ZNF619: variants seen among roughly 807,000 people sequenced by gnomAD.
ZNF619 encodes the protein zinc finger protein 619.
A neutral mutation model predicts 14.2 loss-of-function variants in ZNF619; 9 were observed. The ratio of observed to expected loss-of-function variants is 0.64; its 90% CI spans 0.38 to 1.11. The LOEUF is 1.11. Ranked by LOEUF, ZNF619 falls within the 50% of genes least tolerant of loss-of-function variation. The pLI is 0.01. For missense variants in ZNF619, 659 were observed against 680.1 expected (o/e 0.97, Z 0.34); for synonymous variants, 246 against 252.8 (o/e 0.97, Z 0.26).
intron 1 of ZNF619, 152 bp from the exon 2 acceptor site, chr3:40,477,766 G>A (rs1559534048): frequency 1.8e-6 from 1 of 566,452 alleles, no homozygotes; most frequent in Non-Finnish European, 3.2e-6. Context: ...TGCAGAGGGA[G>A]CATTTGCAAC....
At chr3:40,478,816 G>A (rs1448911798) in intron 2 of ZNF619, among the ~76,000 whole-genome samples, 1 of 151,622 alleles carries the variant, frequency 6.6e-6, no homozygotes, top group African/African-American at 2.4e-5. Flanking sequence ...TAAAAACAAT[G>A]TGTGTGTCCT....
Position 40,487,920 on chromosome 3 carries a change from T to C in ZNF619, c.1410T>C (p.Ser470=). Residue 470 remains serine (S), a synonymous_variant, in exon 5 of 5, where the codon AGT becomes AGC. Transcript: ENST00000432264. The part of the protein sequence containing the change: ...ECGKAFRWNA[S]FIQHQKWHTR... The stretch of plus-strand genomic sequence containing the variant: ...GGAAAGCCTTCAGATGGAATGCAAG[T>C]TTCATCCAGCATCAGAAGTGGCATA... The C allele has an allele frequency of 6.2e-7, 1 of 1,614,118 alleles. No individual in the cohort carries two copies. Among genetic ancestry groups the C allele is most frequent in the Non-Finnish European group, 8.5e-7 (1 of 1,180,020 alleles).
In ZNF619 at chr3:40,486,878, G is replaced by C. The variant is rs773644642; in HGVS notation, c.368G>C (p.Arg123Thr). 1.2e-6 allele frequency: 2 copies of C among 1,614,182 alleles called. No individual in the cohort carries two copies. Among genetic ancestry groups the C allele is most frequent in the South Asian group, 2.2e-5 (2 of 91,076 alleles). ...ATTTCTAAAGAATCAGAGTCCCACA[G>C]ACTGATAGTGGAGGGACTGCTGATG... ...LNISKESESHRLIVEGLLMDV... is the reference protein window; with the variant it reads ...LNISKESESHTLIVEGLLMDV... Residue 123 changes from arginine (R) to threonine (T), a missense_variant, in exon 5 of 5, where the codon AGA (arginine) becomes ACA (threonine). By Grantham distance (71) the Arg-to-Thr change is moderately conservative. Coordinates refer to ENST00000432264, the MANE Select transcript of ZNF619 (RefSeq NM_001145093.4).
chr3:40,486,452 C>T (rs11917969), intron 4 of ZNF619, among the ~76,000 whole-genome samples: 1 of 152,272 alleles, frequency 6.6e-6, no homozygotes, highest in East Asian at 1.9e-4. Flanking sequence ...CTTTGGGAGG[C>T]TGAGCTGGGC....
At chr3:40,483,514 C>G in intron 4 of ZNF619, 1 of 385,928 alleles carries the variant, frequency 2.6e-6, no homozygotes, top group South Asian at 1.9e-5. Context: ...TGGTCTCGAA[C>G]TCCTGCCCTC....
At chr3:40,483,852 T>C (rs1208120216) in intron 4 of ZNF619, 1 of 326,360 alleles carries the variant, frequency 3.1e-6, no homozygotes, top group South Asian at 2.3e-5. Context: ...GGTCTCGAAC[T>C]CCCAACCTCA....
At chr3:40,485,767 G>A (rs1697560517) in intron 4 of ZNF619, among the ~76,000 whole-genome samples, 1 of 152,004 alleles carries the variant, frequency 6.6e-6, no homozygotes, top group Admixed American at 6.6e-5. Context: ...TCAGATCTTT[G>A]GTGCTTGACA....
chr3:40,484,114 C>A (rs1016477448), intron 4 of ZNF619, among the ~76,000 whole-genome samples: 2 of 151,972 alleles, frequency 1.3e-5, no homozygotes, highest in African/African-American at 2.4e-5. Flanking sequence ...TTAGTAGAGA[C>A]AGGGTTTCAC....
chr3:40,482,245 G>A, intron 3 of ZNF619: 5 of 1,551,816 alleles, frequency 3.2e-6, no homozygotes, highest in Non-Finnish European at 4.4e-6. Context: ...ACTGCAGGGG[G>A]CTTTCCTCTG....
In ZNF619 at chr3:40,488,051, C is replaced by T; in HGVS notation, c.1541C>T (p.Ala514Val). 6.2e-7 allele frequency: 1 copy of T among 1,614,144 alleles called. No individual in the cohort carries two copies. Among genetic ancestry groups the T allele is most frequent in the Non-Finnish European group, 8.5e-7 (1 of 1,180,002 alleles). The change falls in exon 5 of 5, where the codon GCC becomes GTC. Residue 514 changes from alanine to valine, a missense_variant. Physicochemically the swap from Ala to Val is moderately conservative, Grantham distance 64. Coordinates refer to ENST00000432264, the MANE Select transcript of ZNF619 (RefSeq NM_001145093.4). ...CCCCAACATACCTGCTCTGCCCTAG[C>T]CCCACCAGGGCCTCCCTTATCTTCT... The part of the protein sequence containing the change: ...LPPQHTCSAL[A>V]PPGPPLSSSH...
chr3:40,482,859 C>A (rs1393622508), intron 4 of ZNF619, among the ~76,000 whole-genome samples, 155 bp downstream of exon 4: 1 of 152,222 alleles, frequency 6.6e-6, no homozygotes, highest in Admixed American at 6.5e-5. Flanking sequence ...AGAACTTCAT[C>A]CCCGAACTAG....
At chr3:40,479,337 C>T (rs1299002953) in intron 2 of ZNF619, among the ~76,000 whole-genome samples, 1 of 152,122 alleles carries the variant, frequency 6.6e-6, no homozygotes, top group Non-Finnish European at 1.5e-5. Context: ...GATTCCAATA[C>T]TAAGAAAGAA....
rs985914244 is a variant in ZNF619, at chr3:40,488,334, T to C, written c.*93T>C. The C allele has an allele frequency of 1.3e-5, 9 of 703,950 alleles. No individual in the cohort carries two copies. The South Asian group carries it at 1.4e-4, about 11-fold the overall frequency. The allele number at this position is 703,950 out of a possible 1,614,324, so 43.6% of individuals were successfully genotyped here. A position where few individuals can be genotyped will look rare whatever the true frequency, so the allele number is the denominator to read the frequency against. ...TATTGATATTCCTCTGGTCTTGTCT[T>C]GTATAAGTTGTTACTGTTTTCCTAA... On this transcript the variant is annotated 3_prime_UTR_variant, in exon 5 of 5. Coordinates refer to ENST00000432264, the MANE Select transcript of ZNF619 (RefSeq NM_001145093.4).
At position 40,488,304 on chromosome 3, in the gene ZNF619, G is replaced by A. The variant is rs1260726542; in HGVS notation, c.*63G>A. 6.2e-6 allele frequency: 5 copies of A among 805,026 alleles called. No homozygotes were observed. Among genetic ancestry groups the A allele is most frequent in the East Asian group, 2.4e-5 (1 of 41,074 alleles). The allele number at this position is 805,026 out of a possible 1,614,324, so 49.9% of individuals were successfully genotyped here. ...TAGGGATTCCACTGGTCTCCTGATT[G>A]TGTCTATTGATATTCCTCTGGTCTT... On this transcript the variant is annotated 3_prime_UTR_variant, in exon 5 of 5. Transcript: ENST00000432264.
In ZNF619 at chr3:40,488,184, C is replaced by G. The variant is rs768797105; in HGVS notation, c.1674C>G (p.Leu558=). Reference sequence around the variant, plus strand: ...AAATAGCACATTTTTTTCAGGATCTCGCTTTTCCTGGGAAGTCATCCCTTC... The same window carrying G: ...AAATAGCACATTTTTTTCAGGATCTGGCTTTTCCTGGGAAGTCATCCCTTC... ...PVQIAHFFQD[L]AFPGKSSLQS... is the part of the protein sequence containing the mutation. The change falls in exon 5 of 5, where the codon CTC becomes CTG. Residue 558 remains leucine (L), a synonymous_variant. Transcript: ENST00000432264. 13 of 1,612,136 alleles carry G rather than the reference C, an allele frequency of 8.1e-6. No homozygotes were observed. Among genetic ancestry groups the G allele is most frequent in the Non-Finnish European group, 1.0e-5 (12 of 1,178,826 alleles).
chr3:40,482,960 G>A (rs1049860840), intron 4 of ZNF619, among the ~76,000 whole-genome samples: 4 of 152,110 alleles, frequency 2.6e-5, no homozygotes, highest in African/African-American at 9.7e-5. Context: ...ACCTATATCC[G>A]AGCACTTTGG....
Position 40,481,872 on chromosome 3 carries a change from A to G in ZNF619, c.34A>G (p.Arg12Gly). Residue 12 changes from arginine (R) to glycine (G), a missense_variant, in exon 3 of 5, where the codon AGG (arginine) becomes GGG (glycine). Physicochemically the swap from Arg to Gly is moderately radical, Grantham distance 125. Transcript: ENST00000432264. ...CTCTGTTCTTGTGCAGGGCTTGGGC[A>G]GGAACCTGTTGTTTCAGGAGCCAGT... ...LQTVWFQGLGRNLLFQEPVTF... is the reference protein window; with the variant it reads ...LQTVWFQGLGGNLLFQEPVTF... The G allele has an allele frequency of 6.2e-7, 1 of 1,605,988 alleles. No individual in the cohort carries two copies. The highest frequency in any genetic ancestry group is 8.5e-7 in the Non-Finnish European group (1 of 1,177,138).
chr3:40,487,575 T>C lies in ZNF619; in HGVS notation c.1065T>C (p.Ser355=). The change falls in exon 5 of 5, where the codon TCT becomes TCC. Residue 355 remains serine, a synonymous_variant. Coordinates refer to ENST00000432264, the MANE Select transcript of ZNF619 (RefSeq NM_001145093.4). ...AGGAGTGTGGGAAGAGTTTGAGTTC[T>C]AATTCAGTTCTGATTCAGCATCAGA... ...ECKECGKSLS[S]NSVLIQHQRI... The C allele has an allele frequency of 6.2e-7, 1 of 1,613,940 alleles. No individual in the cohort carries two copies. Among genetic ancestry groups the C allele is most frequent in the Non-Finnish European group, 8.5e-7 (1 of 1,179,990 alleles).
At chr3:40,482,235 A>C in intron 3 of ZNF619, 1 of 1,551,606 alleles carries the variant, frequency 6.4e-7, no homozygotes, top group South Asian at 1.2e-5. Flanking sequence ...TGGAGACCCA[A>C]CTGCAGGGGG....
Sources: gnomAD v4.1 joint callset for allele counts (sites outside exome capture counted in the v4.1 genomes callset) on GRCh38, gnomAD v4.1.1 for gene constraint, MANE v1.5 for transcripts, NCBI Gene and HGNC (gene_info 2026-07-23, HGNC 2026-07-21) for gene names.